MYBBP1A: variants seen among roughly 807,000 people sequenced by gnomAD.
The protein encoded by MYBBP1A is myb-binding protein 1A.
A neutral mutation model predicts 136.3 loss-of-function variants in MYBBP1A; 147 were observed. That is an observed-to-expected ratio of 1.08 (90% CI 0.94 to 1.24). The LOEUF is 1.24. MYBBP1A is among the 50% of genes most tolerant of loss of function. MYBBP1A has a pLI of 0.00. For synonymous variants in MYBBP1A, 947 were observed against 735.8 expected, an observed-to-expected ratio of 1.29 and a Z score of -4.65; for missense variants, 2,060 against 1,727.4, an observed-to-expected ratio of 1.19 and a Z score of -3.41.
chr17:4,549,981 C>T (rs1475507081), intron 9 of MYBBP1A, 77 bp downstream of exon 9: 32 of 1,480,006 alleles, frequency 2.2e-5, no homozygotes, highest in East Asian at 1.8e-4. Flanking sequence ...CTGTGGAGGG[C>T]GGGCTTGGGT....
At chr17:4,553,285 C>T (rs2144505358) in intron 5 of MYBBP1A, among the ~76,000 whole-genome samples, 1 of 152,356 alleles carries the variant, frequency 6.6e-6, no homozygotes, top group East Asian at 1.9e-4. Context: ...CTACCCCTGC[C>T]TTTCTCTTCG....
In MYBBP1A at chr17:4,539,359, A is replaced by AAAT. The variant is rs1906120010; in HGVS notation, c.*55_*56insATT. ...AATCATGGTTTAAAAAAAAAAAAAA[A>AAAT]AAATAGGCGTCTCAGGCAGATGGAG... is the stretch of plus-strand genomic sequence containing the variant. On this transcript the variant is annotated 3_prime_UTR_variant, in exon 26 of 26. Coordinates refer to ENST00000254718, the MANE Select transcript of MYBBP1A (RefSeq NM_014520.4). 3 of 1,506,462 alleles carry AAAT rather than the reference A, an allele frequency of 2.0e-6. No individual in the cohort carries two copies. Among genetic ancestry groups the AAAT allele is most frequent in the Admixed American group, 4.6e-5 (2 of 43,696 alleles). The allele number at this position is 1,506,462 out of a possible 1,614,324, so 93.3% of individuals were successfully genotyped here.
chr17:4,545,931 CTCTGCAGGGGACTGCGGGCAGGG>C lies in MYBBP1A; in HGVS notation c.1825-12_1835del, dbSNP rs1906976095. 1 of 1,613,112 alleles carries C rather than the reference CTCTGCAGGGGACTGCGGGCAGGG, an allele frequency of 6.2e-7. No individual in the cohort carries two copies. Among genetic ancestry groups the C allele is most frequent in the African/African-American group, 1.3e-5 (1 of 74,946 alleles). ...GGATGTCACCCAGCAGGTCACAGCT[CTCTGCAGGGGACTGCGGGCAGGG>C]TAGGACACACACTGGGGCCAGGCCC... On this transcript the variant is annotated splice_acceptor_variant and splice_polypyrimidine_tract_variant and coding_sequence_variant and intron_variant, in exon 14 of 26. Transcript: ENST00000254718. LOFTEE classifies it high-confidence loss of function.
rs777291304 is a variant in MYBBP1A, at chr17:4,540,501, G to GGCAGAGCTGTGGGGCC, written c.3298-33_3298-18dup. ...GGTCAGCTTCTGCAGAGGGTGGGAA[G>GGCAGAGCTGTGGGGCC]GCAGAGCTGTGGGGCCACAGAGGGC... On this transcript the variant is annotated splice_polypyrimidine_tract_variant and intron_variant, in intron 24 of 25. Transcript: ENST00000254718. 7.5e-6 allele frequency: 12 copies of GGCAGAGCTGTGGGGCC among 1,597,186 alleles called. No homozygotes were observed. Among genetic ancestry groups the GGCAGAGCTGTGGGGCC allele is most frequent in the South Asian group, 5.6e-5 (5 of 90,022 alleles).
In MYBBP1A at chr17:4,544,847, G is replaced by A. The variant is rs759570355; in HGVS notation, c.2385C>T (p.Ser795=). ...TACGCAGCTTCTGCTCGGCAAAGAGGCTGGCGAGGCTCTGGTCCAGGGCCA... is the reference window on the plus strand; with the variant it reads ...TACGCAGCTTCTGCTCGGCAAAGAGACTGGCGAGGCTCTGGTCCAGGGCCA... ...AMMALDQSLA[S]LFAEQKLRIQ... Residue 795 remains serine (S), a synonymous_variant, in exon 18 of 26, where the codon AGC becomes AGT. Transcript: ENST00000254718. 16 of 1,607,190 alleles carry A rather than the reference G, an allele frequency of 1.0e-5. No homozygotes were observed. In the Admixed American group the frequency reaches 2.7e-4, roughly 27 times the overall value.
At chr17:4,547,651 G>A (rs1907121007) in intron 13 of MYBBP1A, 1 of 322,550 alleles carries the variant, frequency 3.1e-6, no homozygotes, top group Admixed American at 4.5e-5. Flanking sequence ...CCACAGCAGG[G>A]GGTACAGTGC....
rs1219851783 is a variant in MYBBP1A at position 4,540,234 on chromosome 17, ATGCGTGTGCAGTGTGCGTGTGCAGCAGCG to A, written c.3434+85_3434+113del. The A allele has an allele frequency of 7.9e-4, 1,093 of 1,388,390 alleles. 11 individuals carry two copies. In the African/African-American group the frequency reaches 0.014, roughly 18 times the overall value. The allele number at this position is 1,388,390 out of a possible 1,614,324, so 86.0% of individuals were successfully genotyped here. ...CTTGAGTGCATGTGTGTGCAGCAGCATGCGTGTGCAGTGTGCGTGTGCAGCAGCGTGTGTGCAGCGTGTGTGTGTGTGCA... is the reference window on the plus strand; with the variant it reads ...CTTGAGTGCATGTGTGTGCAGCAGCATGTGTGCAGCGTGTGTGTGTGTGCA... On this transcript the variant is annotated intron_variant, in intron 25 of 25. Transcript: ENST00000254718.
intron 5 of MYBBP1A, 70 bp downstream of exon 5, chr17:4,553,740 C>G (rs1907749231): frequency 8.5e-7 from 1 of 1,182,542 alleles, no homozygotes; most frequent in Non-Finnish European, 1.3e-6. Context: ...GTTCCAGATT[C>G]TCATCCGAGC....
Position 4,544,812 on chromosome 17 carries a change from C to A in MYBBP1A, c.2420G>T (p.Arg807Leu). The change falls in exon 18 of 26, where the codon CGG becomes CTG. Residue 807 changes from arginine (R) to leucine (L), a missense_variant. Transcript: ENST00000254718. ...FAEQKLRIQA[R>L]RDEKNKLQKE... ...CTGCAGCTTGTTCTTCTCGTCTCGC[C>A]GGGCCTGGATACGCAGCTTCTGCTC... 6.2e-7 allele frequency: 1 copy of A among 1,603,498 alleles called. No individual in the cohort carries two copies. The highest frequency in any genetic ancestry group is 8.5e-7 in the Non-Finnish European group (1 of 1,175,600).
intron 13 of MYBBP1A, among the ~76,000 whole-genome samples, chr17:4,546,798 G>A (rs895300746): frequency 9.9e-5 from 15 of 152,140 alleles, no homozygotes; most frequent in African/African-American, 1.4e-4. Context: ...TAATGCAGTC[G>A]GCAGCTTGAA....
At chr17:4,541,067 C>T (rs1375514022) in intron 24 of MYBBP1A, among the ~76,000 whole-genome samples, 1 of 152,250 alleles carries the variant, frequency 6.6e-6, no homozygotes, top group Non-Finnish European at 1.5e-5. Flanking sequence ...CCACCTCCAG[C>T]TGCCTCCCAG....
chr17:4,543,888 T>TCC (rs755269882), intron 19 of MYBBP1A, among the ~76,000 whole-genome samples: 21 of 142,554 alleles, frequency 1.5e-4, no homozygotes, highest in African/African-American at 5.1e-4. Flanking sequence ...CTCAGACCCT[T>TCC]CCCCACGCCA....
Position 4,544,786 on chromosome 17 carries a change from T to C in MYBBP1A, c.2446A>G (p.Lys816Glu), listed in dbSNP as rs1367560925. 2 of 1,596,164 alleles carry C rather than the reference T, an allele frequency of 1.3e-6. No homozygotes were observed. Among genetic ancestry groups the C allele is most frequent in the Non-Finnish European group, 1.7e-6 (2 of 1,172,050 alleles). Residue 816 changes from lysine (K) to glutamate (E), a missense_variant, in exon 18 of 26, where the codon AAG (lysine) becomes GAG (glutamate). By Grantham distance (56) the Lys-to-Glu change is moderately conservative. Transcript: ENST00000254718. Reference protein sequence around the residue: ...ARRDEKNKLQKEKALRRDFQI... With the variant: ...ARRDEKNKLQEEKALRRDFQI... Reference sequence around the variant, plus strand: ...AAGTCGCGCCGCAGAGCCTTCTCCTTCTGCAGCTTGTTCTTCTCGTCTCGC... The same window carrying C: ...AAGTCGCGCCGCAGAGCCTTCTCCTCCTGCAGCTTGTTCTTCTCGTCTCGC...
intron 8 of MYBBP1A, 100 bp downstream of exon 8, chr17:4,551,780 G>A: frequency 9.8e-7 from 1 of 1,023,640 alleles, no homozygotes; most frequent in Non-Finnish European, 1.5e-6. Context: ...GACACCCATA[G>A]CTCTAGCCAA....
rs780349766 is a variant in MYBBP1A at position 4,542,901 on chromosome 17, G to C, written c.2892+12C>G. The C allele has an allele frequency of 3.7e-6, 6 of 1,613,464 alleles. No individual in the cohort carries two copies. Among genetic ancestry groups the C allele is most frequent in the Non-Finnish European group, 5.1e-6 (6 of 1,179,812 alleles). ...AATGCCTGGGGCTGCTCCTGGGCCA[G>C]GCCCTGCTCACCTGCGGGCCCGTGG... On this transcript the variant is annotated intron_variant, in intron 20 of 25. Coordinates refer to ENST00000254718, the MANE Select transcript of MYBBP1A (RefSeq NM_014520.4).
intron 22 of MYBBP1A, 169 bp from the exon 23 acceptor site, chr17:4,542,060 G>C: frequency 1.6e-6 from 1 of 612,218 alleles, no homozygotes; most frequent in Non-Finnish European, 2.9e-6. Context: ...GTGTGCAGGT[G>C]GGGACACCAA....
At position 4,545,730 on chromosome 17, in the gene MYBBP1A, C is replaced by T; in HGVS notation, c.1953G>A (p.Leu651=). The T allele has an allele frequency of 6.2e-7, 1 of 1,609,174 alleles. No homozygotes were observed. The highest frequency in any genetic ancestry group is 8.5e-7 in the Non-Finnish European group (1 of 1,177,130). The change falls in exon 15 of 26, where the codon CTG becomes CTA. Residue 651 remains leucine, a synonymous_variant. Coordinates refer to ENST00000254718, the MANE Select transcript of MYBBP1A (RefSeq NM_014520.4). ...CCAACAGGGCCAGCAAGATCTCCAC[C>T]AGCACCTCTACCCACGGGGGTTCCT... The part of the protein sequence containing the change: ...DPQEPPWVEV[L]VEILLALLAQ...
In MYBBP1A at chr17:4,544,815, G is replaced by A. The variant is rs143896610; in HGVS notation, c.2417C>T (p.Ala806Val). 12 of 1,604,392 alleles carry A rather than the reference G, an allele frequency of 7.5e-6. No homozygotes were observed. The African/African-American group carries it at 1.6e-4, about 21-fold the overall frequency. ...CAGCTTGTTCTTCTCGTCTCGCCGG[G>A]CCTGGATACGCAGCTTCTGCTCGGC... ...LFAEQKLRIQ[A>V]RRDEKNKLQK... Residue 806 changes from alanine to valine, a missense_variant, in exon 18 of 26, where the codon GCC becomes GTC. Transcript: ENST00000254718.
At chr17:4,544,381 G>A (rs1456444874) in intron 19 of MYBBP1A, 108 bp downstream of exon 19, 6 of 1,430,958 alleles carry the variant, frequency 4.2e-6, no homozygotes, top group African/African-American at 2.8e-5. Context: ...GGCCCAGGCT[G>A]GAAGCTTGGC....
Sources: allele counts gnomAD v4.1 joint callset (sites outside exome capture counted in the v4.1 genomes callset), GRCh38; gene constraint gnomAD v4.1.1; transcripts MANE v1.5; gene names NCBI Gene and HGNC (gene_info 2026-07-23, HGNC 2026-07-21).